AFDN: variants seen among roughly 807,000 people sequenced by gnomAD.
AFDN encodes afadin, adherens junction formation factor.
AFDN carries 68 observed loss-of-function variants against 216.6 expected under a neutral mutation model. The observed-to-expected ratio is 0.31, with a 90% CI of 0.26 to 0.38. The LOEUF is 0.38. AFDN is among the 10% of genes least tolerant of loss of function. The probability of loss-of-function intolerance (pLI) is 1.00; values close to 1 mark genes in which losing one functional copy is unlikely to be tolerated. For missense variants in AFDN, 2,136 were observed against 2,342.0 expected, an observed-to-expected ratio of 0.91 and a Z score of 1.82; for synonymous variants, 868 against 853.7, an observed-to-expected ratio of 1.02 and a Z score of -0.29.
intron 30 of AFDN, among the ~76,000 whole-genome samples, chr6:167,957,723 C>G (rs576210082): frequency 6.6e-6 from 1 of 152,288 alleles, no homozygotes; most frequent in South Asian, 2.1e-4. Context: ...CTTGAGTAGC[C>G]GGTTAGTTAG....
chr6:167,934,200 G>A (rs1793687334), intron 23 of AFDN, among the ~76,000 whole-genome samples: 1 of 152,194 alleles, frequency 6.6e-6, no homozygotes, highest in Non-Finnish European at 1.5e-5. Context: ...TATGGAGAGG[G>A]AAGAGATAGA....
At position 167,915,066 on chromosome 6, in the gene AFDN, C is replaced by T. The variant is rs556114284; in HGVS notation, c.2300-102C>T. On this transcript the variant is annotated intron_variant, in intron 18 of 33. Coordinates refer to ENST00000683244, the MANE Select transcript of AFDN (RefSeq NM_001386888.1). ...TGATATTTTTAAAGTAATTAAACGG[C>T]ACTTACTACCATAGGTACCATTATC... is the stretch of plus-strand genomic sequence containing the variant. The T allele has an allele frequency of 5.8e-6, 7 of 1,207,752 alleles. No individual in the cohort carries two copies. The African/African-American group carries it at 7.6e-5, about 13-fold the overall frequency. 74.8% of individuals were successfully genotyped at this position (1,207,752 alleles called of 1,614,324 possible).
Position 167,915,252 on chromosome 6 carries a change from C to G in AFDN, c.2384C>G (p.Ser795Cys). 1 of 1,614,258 alleles carries G rather than the reference C, an allele frequency of 6.2e-7. No homozygotes were observed. Among genetic ancestry groups the G allele is most frequent in the Non-Finnish European group, 8.5e-7 (1 of 1,180,046 alleles). Residue 795 changes from serine (S) to cysteine (C), a missense_variant, in exon 19 of 34, where the codon TCT (serine) becomes TGT (cysteine). Coordinates refer to ENST00000683244, the MANE Select transcript of AFDN (RefSeq NM_001386888.1). The part of the protein sequence containing the change: ...VNAALTIQLF[S>C]QLFHFINMWL... Reference sequence around the variant, plus strand: ...GCCGCCCTGACCATCCAGCTCTTCTCTCAGCTCTTCCACTTCATCAATATG... The same window carrying G: ...GCCGCCCTGACCATCCAGCTCTTCTGTCAGCTCTTCCACTTCATCAATATG...
chr6:167,964,266 G>T, intron 31 of AFDN: 3 of 1,064,034 alleles, frequency 2.8e-6, no homozygotes, highest in Non-Finnish European at 3.4e-6. Context: ...CCATTCATTT[G>T]TTGGGTAGAA....
At chr6:167,948,035 TC>T in intron 28 of AFDN, 91 bp downstream of exon 28, 1 of 989,304 alleles carries the variant, frequency 1.0e-6, no homozygotes, top group Non-Finnish European at 1.5e-6. Context: ...CAATTTTTAC[TC>T]TGAATTAGCA....
intron 1 of AFDN, among the ~76,000 whole-genome samples, chr6:167,836,544 C>T (rs748873663): frequency 7.9e-5 from 12 of 151,962 alleles, no homozygotes; most frequent in Admixed American, 4.6e-4. Context: ...TAAAAAAATA[C>T]GTGTAGTAAA....
In AFDN at chr6:167,951,731, T is replaced by A; in HGVS notation, c.4377T>A (p.Ala1459=). ...TGCGCACTCAGTCCTTAAACCCTGC[T>A]CCGTTTTCTCCCCTGACTGCACAGC... ...GQMRTQSLNP[A]PFSPLTAQQM... is the part of the protein sequence containing the mutation. Residue 1459 remains alanine, a synonymous_variant, in exon 30 of 34, where the codon GCT becomes GCA. Transcript: ENST00000683244. The surrounding 1 kb of genome is among the most constrained non-coding windows in gnomAD (Gnocchi z 7.1). The A allele has an allele frequency of 6.2e-7, 1 of 1,614,054 alleles. No individual in the cohort carries two copies. Among genetic ancestry groups the A allele is most frequent in the Non-Finnish European group, 8.5e-7 (1 of 1,179,990 alleles).
chr6:167,844,176 A>AAG (rs1491531188), intron 1 of AFDN, among the ~76,000 whole-genome samples: 2 of 105,398 alleles, frequency 1.9e-5, no homozygotes, highest in Admixed American at 1.1e-4. Flanking sequence ...CTCAAAAATG[A>AAG]AGTGTGTGTG....
At chr6:167,882,005 G>A (rs1185721134) in intron 6 of AFDN, among the ~76,000 whole-genome samples, 1 of 152,112 alleles carries the variant, frequency 6.6e-6, no homozygotes, top group Non-Finnish European at 1.5e-5. Flanking sequence ...GATAGCCAAG[G>A]TTCAACAGAC....
chr6:167,952,193 G>A lies in AFDN; in HGVS notation c.4833+6G>A, dbSNP rs369910531. The A allele has an allele frequency of 2.5e-6, 4 of 1,613,834 alleles. No homozygotes were observed. Among genetic ancestry groups the A allele is most frequent in the African/African-American group, 1.3e-5 (1 of 74,926 alleles). On this transcript the variant is annotated splice_donor_region_variant and intron_variant, in intron 30 of 33. Coordinates refer to ENST00000683244, the MANE Select transcript of AFDN (RefSeq NM_001386888.1). ...AGGCTGAACGAAGAGCGAGGGTAAA[G>A]GGGGGAGTGCTTTGGCTGTGCCCAT...
intron 1 of AFDN, among the ~76,000 whole-genome samples, chr6:167,830,399 T>C (rs1379106846): frequency 1.3e-5 from 2 of 152,306 alleles, no homozygotes. Context: ...TCAATAAATA[T>C]TGTGTGGAAA....
intron 1 of AFDN, among the ~76,000 whole-genome samples, chr6:167,834,332 G>A (rs1780160150): frequency 6.6e-6 from 1 of 152,010 alleles, no homozygotes; most frequent in Admixed American, 6.6e-5. Context: ...CTCGCACTTA[G>A]GAGCGAGAAC....
chr6:167,854,037 A>G (rs1210199046), intron 1 of AFDN, among the ~76,000 whole-genome samples: 3 of 152,038 alleles, frequency 2.0e-5, no homozygotes, highest in African/African-American at 7.2e-5. Flanking sequence ...ATTTTACCAA[A>G]TGTTGCCAAA....
chr6:167,969,149 G>A lies in AFDN; in HGVS notation c.5293G>A (p.Val1765Ile), dbSNP rs1163273011. ...TTACCCAGGATCTACTGGAGCAGCT[G>A]TTGGAGCCCATGACGCCTGTCGGGA... ...NSYPGSTGAA[V>I]GAHDACRDAK... The change falls in exon 33 of 34, where the codon GTT (valine) becomes ATT (isoleucine). Residue 1765 changes from valine to isoleucine, a missense_variant. By Grantham distance (29) the Val-to-Ile change is conservative. Transcript: ENST00000683244. 5.6e-6 allele frequency: 9 copies of A among 1,613,912 alleles called. No homozygotes were observed. The African/African-American group carries it at 1.1e-4, about 19-fold the overall frequency.
chr6:167,945,314 A>G (rs893595432), intron 26 of AFDN, among the ~76,000 whole-genome samples: 2 of 152,192 alleles, frequency 1.3e-5, no homozygotes, highest in Non-Finnish European at 2.9e-5. Context: ...AGGGGCAGTG[A>G]CATGCCATGG....
At chr6:167,881,782 G>A (rs1430269386) in intron 6 of AFDN, among the ~76,000 whole-genome samples, 1 of 152,318 alleles carries the variant, frequency 6.6e-6, no homozygotes, top group East Asian at 1.9e-4. Context: ...ACTGAAAACA[G>A]GAGGATGAAG....
intron 27 of AFDN, 69 bp downstream of exon 27, chr6:167,946,970 T>G: frequency 8.1e-6 from 11 of 1,362,590 alleles, no homozygotes; most frequent in Non-Finnish European, 1.1e-5. Context: ...GGAGGCACTT[T>G]GTGGTTTGTT....
chr6:167,830,124 A>G (rs1396287570), intron 1 of AFDN, among the ~76,000 whole-genome samples: 1 of 152,232 alleles, frequency 6.6e-6, no homozygotes, highest in African/African-American at 2.4e-5. Flanking sequence ...TCCTTAAAGT[A>G]TGTATAGTCC....
intron 31 of AFDN, chr6:167,965,061 C>T: frequency 9.6e-7 from 1 of 1,036,740 alleles, no homozygotes; most frequent in African/African-American, 1.7e-5. Flanking sequence ...AATTTTCTGT[C>T]TGTTAGGGAG....
Sources: gnomAD v4.1 joint callset for allele counts (sites outside exome capture counted in the v4.1 genomes callset) on GRCh38, gnomAD v4.1.1 for gene constraint, Gnocchi (gnomAD v3.1) non-coding constraint, MANE v1.5 for transcripts, NCBI Gene and HGNC (gene_info 2026-07-23, HGNC 2026-07-21) for gene names.